PLEKHH2: variants seen among roughly 807,000 people sequenced by gnomAD.
The protein encoded by PLEKHH2 is pleckstrin homology, MyTH4 and FERM domain containing H2.
A neutral mutation model predicts 187.9 loss-of-function variants in PLEKHH2; 129 were observed. The ratio of observed to expected loss-of-function variants is 0.69; its 90% CI spans 0.59 to 0.79. The LOEUF (loss-of-function observed/expected upper bound fraction) is 0.79, where lower values mean the gene tolerates loss of function less well. Ranked by LOEUF, PLEKHH2 falls within the 30% of genes least tolerant of loss-of-function variation. The pLI, the probability that PLEKHH2 is intolerant of heterozygous loss-of-function variation, is 0.00. For missense variants in PLEKHH2, 2,076 were observed against 1,751.2 expected (o/e 1.19, Z -3.31); for synonymous variants, 686 against 605.6 (o/e 1.13, Z -1.95).
chr2:43,675,796 A>C, intron 2 of PLEKHH2: 3 of 1,613,818 alleles, frequency 1.9e-6, no homozygotes, highest in Non-Finnish European at 2.5e-6. Flanking sequence ...CACGTATTCG[A>C]GGTCTCCAAA....
chr2:43,656,072 C>T (rs1424371549), intron 2 of PLEKHH2, among the ~76,000 whole-genome samples: 1 of 151,796 alleles, frequency 6.6e-6, no homozygotes, highest in Non-Finnish European at 1.5e-5. Flanking sequence ...GATTCTTATG[C>T]CTCAGCCTCC....
chr2:43,752,156 G>A (rs1316053642), intron 24 of PLEKHH2, among the ~76,000 whole-genome samples: 1 of 152,128 alleles, frequency 6.6e-6, no homozygotes, highest in Non-Finnish European at 1.5e-5. Context: ...GGGAGAATAA[G>A]CTATGCATAC....
At chr2:43,761,709 T>C (rs1445240702) in intron 27 of PLEKHH2, among the ~76,000 whole-genome samples, 1 of 152,102 alleles carries the variant, frequency 6.6e-6, no homozygotes, top group Non-Finnish European at 1.5e-5. Flanking sequence ...CAACACCCAG[T>C]CAATTTCGTA....
At chr2:43,702,664 A>T in intron 8 of PLEKHH2, among the ~76,000 whole-genome samples, 1 of 150,174 alleles carries the variant, frequency 6.7e-6, no homozygotes, top group East Asian at 2.0e-4. Context: ...TGTGTTTATT[A>T]GGTATTTTCA....
intron 3 of PLEKHH2, chr2:43,680,832 C>G: frequency 2.2e-6 from 1 of 463,938 alleles, no homozygotes; most frequent in Non-Finnish European, 4.0e-6. Context: ...ATTGTATTTG[C>G]TTGACTTATT....
chr2:43,680,720 C>T lies in PLEKHH2; in HGVS notation c.186+1795C>T, dbSNP rs113818145. 5.1e-4 allele frequency: 209 copies of T among 411,758 alleles called. 2 individuals carry two copies. The highest frequency in any genetic ancestry group is 4.2e-3 in the African/African-American group (200 of 47,282). The allele number at this position is 411,758 out of a possible 1,614,324, so 25.5% of individuals were successfully genotyped here. On this transcript the variant is annotated intron_variant, in intron 3 of 29. Coordinates refer to ENST00000282406, the MANE Select transcript of PLEKHH2 (RefSeq NM_172069.4). Reference sequence around the variant, plus strand: ...AGTAAGCCTTCCGAAGGAAATTTATCACTTGTAAATCTTTCAGAAGGACCT... The same window carrying T: ...AGTAAGCCTTCCGAAGGAAATTTATTACTTGTAAATCTTTCAGAAGGACCT...
chr2:43,675,757 C>T, intron 2 of PLEKHH2: 2 of 1,613,570 alleles, frequency 1.2e-6, no homozygotes, highest in Non-Finnish European at 1.7e-6. Flanking sequence ...CATCAACTCT[C>T]TGCTTAAGAC....
Position 43,700,531 on chromosome 2 carries a change from C to T in PLEKHH2, c.1573C>T (p.Gln525Ter), listed in dbSNP as rs903694013. Reference sequence around the variant, plus strand: ...CTTGGACTCTCCAAATTCAGATGACCAGGAACACTGTGACTCAGCAAAGAA... The same window carrying T: ...CTTGGACTCTCCAAATTCAGATGACTAGGAACACTGTGACTCAGCAAAGAA... ...DSLDSPNSDD[Q>*]EHCDSAKKVA... Residue 525 changes from glutamine (Q) to a stop codon, truncating the protein, a stop_gained, in exon 8 of 30, where the codon CAG becomes TAG. Coordinates refer to ENST00000282406, the MANE Select transcript of PLEKHH2 (RefSeq NM_172069.4). LOFTEE classifies it high-confidence loss of function. 1 of 1,613,828 alleles carries T rather than the reference C, an allele frequency of 6.2e-7. No individual in the cohort carries two copies. The highest frequency in any genetic ancestry group is 8.5e-7 in the Non-Finnish European group (1 of 1,179,902).
At position 43,757,531 on chromosome 2, in the gene PLEKHH2, G is replaced by A. The variant is rs540778162; in HGVS notation, c.3941+267G>A. On this transcript the variant is annotated intron_variant, in intron 26 of 29. Coordinates refer to ENST00000282406, the MANE Select transcript of PLEKHH2 (RefSeq NM_172069.4). ...GCCTCCCGGGTACAGCCATTCTCAT[G>A]CCTCAGCCTCCCAAGTAGCTGGGAC... 1.1e-4 allele frequency among the ~76,000 whole-genome samples: 16 copies of A among 150,332 alleles called. No homozygotes were observed. The South Asian group carries it at 3.4e-3, about 32-fold the overall frequency.
At chr2:43,719,967 A>T (rs1252704189) in intron 15 of PLEKHH2, among the ~76,000 whole-genome samples, 1 of 152,208 alleles carries the variant, frequency 6.6e-6, no homozygotes, top group Non-Finnish European at 1.5e-5. Flanking sequence ...GGAAACTATG[A>T]AATATACTTA....
intron 19 of PLEKHH2, among the ~76,000 whole-genome samples, chr2:43,736,851 T>C (rs1025037668): frequency 1.3e-5 from 2 of 151,858 alleles, no homozygotes; most frequent in Non-Finnish European, 2.9e-5. Context: ...ATCACAGGGC[T>C]GAGAGGAGAG....
At chr2:43,688,151 G>A (rs998335999) in intron 3 of PLEKHH2, among the ~76,000 whole-genome samples, 1 of 152,054 alleles carries the variant, frequency 6.6e-6, no homozygotes, top group Admixed American at 6.6e-5. Flanking sequence ...CATAGCTTCT[G>A]CACAGCAAAA....
Position 43,744,084 on chromosome 2 carries a change from G to T in PLEKHH2, c.3555+95G>T. ...AAACTTTGCAAGAAGTTTAATTCAGGAGTTTTCCAAAACTTTAACCAATCT... is the reference window on the plus strand; with the variant it reads ...AAACTTTGCAAGAAGTTTAATTCAGTAGTTTTCCAAAACTTTAACCAATCT... On this transcript the variant is annotated intron_variant, in intron 23 of 29. Transcript: ENST00000282406. 3.4e-6 allele frequency: 5 copies of T among 1,483,112 alleles called. No homozygotes were observed. The South Asian group carries it at 5.9e-5, about 17-fold the overall frequency. The allele number at this position is 1,483,112 out of a possible 1,614,324, so 91.9% of individuals were successfully genotyped here.
Position 43,692,649 on chromosome 2 carries a change from C to G in PLEKHH2, c.322C>G (p.Gln108Glu). The change falls in exon 4 of 30, where the codon CAA (glutamine) becomes GAA (glutamate). Residue 108 changes from glutamine (Q) to glutamate (E), a missense_variant. Gln to Glu is a conservative substitution (Grantham distance 29, BLOSUM62 2). Coordinates refer to ENST00000282406, the MANE Select transcript of PLEKHH2 (RefSeq NM_172069.4). Reference protein sequence around the residue: ...KDDVIQNLELQLEEQKQIRIQ... With the variant: ...KDDVIQNLELELEEQKQIRIQ... ...TGACGTCATTCAAAACTTGGAATTG[C>G]AACTTGAAGAGCAGGTTAGGAAGAA... 6.2e-7 allele frequency: 1 copy of G among 1,613,150 alleles called. No individual in the cohort carries two copies. The highest frequency in any genetic ancestry group is 1.1e-5 in the South Asian group (1 of 90,946).
chr2:43,720,541 C>G, intron 15 of PLEKHH2, 128 bp from the exon 16 acceptor site: 1 of 1,437,048 alleles, frequency 7.0e-7, no homozygotes, highest in Non-Finnish European at 9.3e-7. Context: ...ACTGGACAAT[C>G]TATTTGGAAT....
In PLEKHH2 at chr2:43,699,801, T is replaced by A. The variant is rs374673169; in HGVS notation, c.843T>A (p.Ala281=). 27 of 1,611,450 alleles carry A rather than the reference T, an allele frequency of 1.7e-5. No individual in the cohort carries two copies. Among genetic ancestry groups the A allele is most frequent in the Non-Finnish European group, 2.0e-5 (24 of 1,177,650 alleles). ...GTGGCATCTCCCAGAATTCTGGGGC[T>A]CCTGTGAGTGACTGGAGCTCTGATG... ...TDGGISQNSG[A]PVSDWSSDEE... is the part of the protein sequence containing the mutation. Residue 281 remains alanine (A), a synonymous_variant, in exon 8 of 30, where the codon GCT becomes GCA. Coordinates refer to ENST00000282406, the MANE Select transcript of PLEKHH2 (RefSeq NM_172069.4).
At position 43,699,783 on chromosome 2, in the gene PLEKHH2, C is replaced by T. The variant is rs776659007; in HGVS notation, c.825C>T (p.Ile275=). Residue 275 remains isoleucine, a synonymous_variant, in exon 8 of 30, where the codon ATC becomes ATT. Coordinates refer to ENST00000282406, the MANE Select transcript of PLEKHH2 (RefSeq NM_172069.4). The part of the protein sequence containing the change: ...TRTSFATDGG[I]SQNSGAPVSD... Reference sequence around the variant, plus strand: ...CAAGCTTTGCCACAGATGGTGGCATCTCCCAGAATTCTGGGGCTCCTGTGA... The same window carrying T: ...CAAGCTTTGCCACAGATGGTGGCATTTCCCAGAATTCTGGGGCTCCTGTGA... The T allele has an allele frequency of 8.1e-6, 13 of 1,614,074 alleles. No individual in the cohort carries two copies. In the African/African-American group the frequency reaches 1.6e-4, roughly 20 times the overall value.
chr2:43,760,632 G>C (rs976081363), intron 27 of PLEKHH2, among the ~76,000 whole-genome samples: 1 of 152,088 alleles, frequency 6.6e-6, no homozygotes, highest in African/African-American at 2.4e-5. Context: ...CAAAGTGCTG[G>C]GATTACAGGC....
chr2:43,645,689 T>C (rs902282326), intron 2 of PLEKHH2, among the ~76,000 whole-genome samples: 5 of 152,178 alleles, frequency 3.3e-5, no homozygotes, highest in Admixed American at 2.0e-4. Context: ...ATAGGCAATA[T>C]TAAAATTAAT....
Sources: allele counts gnomAD v4.1 joint callset (sites outside exome capture counted in the v4.1 genomes callset), GRCh38; gene constraint gnomAD v4.1.1; transcripts MANE v1.5; gene names NCBI Gene and HGNC (gene_info 2026-07-23, HGNC 2026-07-21).